GNA14: variants seen among roughly 807,000 people sequenced by gnomAD.
GNA14 encodes guanine nucleotide-binding protein subunit alpha-14.
GNA14 carries 50 observed loss-of-function variants against 42.0 expected under a neutral mutation model. The observed-to-expected ratio is 1.19, with a 90% CI of 0.95 to 1.51. GNA14 has a LOEUF of 1.51. GNA14 is among the 40% of genes most tolerant of loss of function. The pLI is 0.00. For synonymous variants in GNA14, 173 were observed against 163.1 expected (o/e 1.06, Z -0.46); for missense variants, 473 against 446.2 (o/e 1.06, Z -0.54).
chr9:77,446,660 G>A (rs187759596), intron 2 of GNA14, among the ~76,000 whole-genome samples: 6 of 152,300 alleles, frequency 3.9e-5, no homozygotes, highest in Non-Finnish European at 5.9e-5. Flanking sequence ...TCAAGGTGAT[G>A]GGGATCTGGA....
At chr9:77,540,858 GTGGGTTTCT>G (rs1309967954) in intron 1 of GNA14, among the ~76,000 whole-genome samples, 3 of 152,024 alleles carry the variant, frequency 2.0e-5, no homozygotes, top group African/African-American at 4.8e-5. Flanking sequence ...TGCAAGTAAA[GTGGGTTTCT>G]TGTAGGCAGC....
At chr9:77,637,844 C>G (rs1235066425) in intron 1 of GNA14, among the ~76,000 whole-genome samples, 1 of 152,128 alleles carries the variant, frequency 6.6e-6, no homozygotes, top group African/African-American at 2.4e-5. Flanking sequence ...CAGAGAGTAC[C>G]AGGAGCAGGC....
intron 1 of GNA14, among the ~76,000 whole-genome samples, chr9:77,587,729 G>A (rs34335461): frequency 1.5e-3 from 231 of 152,310 alleles, no homozygotes; most frequent in Middle Eastern, 3.4e-3. Context: ...ATAGTACTGT[G>A]AATGTACTAA....
intron 1 of GNA14, among the ~76,000 whole-genome samples, chr9:77,632,730 G>A (rs540711134): frequency 1.3e-5 from 2 of 152,254 alleles, no homozygotes; most frequent in East Asian, 1.9e-4. Context: ...ACAGAGAGCC[G>A]GTGCCTTTGC....
chr9:77,604,777 A>G (rs975730491), intron 1 of GNA14, among the ~76,000 whole-genome samples: 7 of 151,712 alleles, frequency 4.6e-5, no homozygotes, highest in African/African-American at 1.7e-4. Flanking sequence ...GGGTTGTTGC[A>G]AGGACCAAAC....
intron 2 of GNA14, among the ~76,000 whole-genome samples, chr9:77,520,775 T>TA (rs1343111384): frequency 6.6e-6 from 1 of 152,204 alleles, no homozygotes; most frequent in Admixed American, 6.5e-5. Context: ...ATGGCCTCAC[T>TA]AGTTTCTGGA....
intron 2 of GNA14, among the ~76,000 whole-genome samples, chr9:77,460,569 G>T (rs1352668037): frequency 1.3e-5 from 2 of 152,088 alleles, no homozygotes; most frequent in African/African-American, 4.8e-5. Context: ...CAATGACTGA[G>T]CCTTGGCTGG....
At chr9:77,483,350 C>G (rs919625113) in intron 2 of GNA14, among the ~76,000 whole-genome samples, 21 of 152,302 alleles carry the variant, frequency 1.4e-4, no homozygotes, top group Admixed American at 1.4e-3. Flanking sequence ...GCATCAGGAG[C>G]AGTGGCTGCC....
At chr9:77,449,991 G>A (rs1417278492) in intron 2 of GNA14, among the ~76,000 whole-genome samples, 3 of 152,112 alleles carry the variant, frequency 2.0e-5, no homozygotes, top group Non-Finnish European at 2.9e-5. Context: ...AGGAATTGGC[G>A]GTAGTTCATG....
chr9:77,493,026 A>AATATCT (rs1554691642), intron 2 of GNA14, among the ~76,000 whole-genome samples: 7 of 51,718 alleles, frequency 1.4e-4, no homozygotes, highest in African/African-American at 7.9e-4. Flanking sequence ...AAAAAAAAAA[A>AATATCT]ATATATATAT....
intron 2 of GNA14, among the ~76,000 whole-genome samples, chr9:77,460,553 G>A (rs1237963502): frequency 1.3e-5 from 2 of 152,164 alleles, no homozygotes; most frequent in Non-Finnish European, 2.9e-5. Context: ...CTGGACAGAC[G>A]GGGACCAATG....
chr9:77,640,694 G>C (rs921178593), intron 1 of GNA14, among the ~76,000 whole-genome samples: 2 of 151,666 alleles, frequency 1.3e-5, no homozygotes, highest in Admixed American at 1.3e-4. Flanking sequence ...TAATTGATCT[G>C]AATTAGGGAC....
At chr9:77,561,459 T>G (rs1287279816) in intron 1 of GNA14, among the ~76,000 whole-genome samples, 1 of 152,214 alleles carries the variant, frequency 6.6e-6, no homozygotes, top group Non-Finnish European at 1.5e-5. Flanking sequence ...ATTGTTTTTA[T>G]CCATTAACAG....
chr9:77,498,587 T>C (rs550364756), intron 2 of GNA14, among the ~76,000 whole-genome samples: 1 of 152,258 alleles, frequency 6.6e-6, no homozygotes, highest in African/African-American at 2.4e-5. Context: ...TGCATTCTAG[T>C]GCTCAACATG....
intron 2 of GNA14, among the ~76,000 whole-genome samples, chr9:77,458,408 G>A (rs896350295): frequency 6.6e-6 from 1 of 152,162 alleles, no homozygotes; most frequent in African/African-American, 2.4e-5. Context: ...GGCCACGCGC[G>A]CCTGAACCTG....
At chr9:77,430,601 C>G (rs1835531415) in intron 4 of GNA14, among the ~76,000 whole-genome samples, 1 of 152,174 alleles carries the variant, frequency 6.6e-6, no homozygotes, top group African/African-American at 2.4e-5. Context: ...TGAGCTATAA[C>G]TGGGGATCAG....
chr9:77,488,329 G>T (rs559248976), intron 2 of GNA14, among the ~76,000 whole-genome samples: 1 of 152,262 alleles, frequency 6.6e-6, no homozygotes, highest in East Asian at 1.9e-4. Context: ...AATCAAGGTG[G>T]ATAACTAGCC....
chr9:77,632,165 G>A (rs1305171097), intron 1 of GNA14, among the ~76,000 whole-genome samples: 1 of 152,196 alleles, frequency 6.6e-6, no homozygotes, highest in Non-Finnish European at 1.5e-5. Context: ...CCCTGCTGTT[G>A]GCACCCACTC....
intron 1 of GNA14, among the ~76,000 whole-genome samples, chr9:77,621,635 TTCA>T (rs1823924415): frequency 6.6e-6 from 1 of 152,194 alleles, no homozygotes; most frequent in South Asian, 2.1e-4. Flanking sequence ...AGAGAGAGAC[TTCA>T]TCATTACCCT....
Sources: allele counts gnomAD v4.1 joint callset (sites outside exome capture counted in the v4.1 genomes callset), GRCh38; gene constraint gnomAD v4.1.1; transcripts MANE v1.5; gene names NCBI Gene and HGNC (gene_info 2026-07-23, HGNC 2026-07-21).